The following OSBPL1A variants were observed in gnomAD, a reference collection of about 807,000 sequenced individuals.
OSBPL1A encodes oxysterol binding protein like 1A.
OSBPL1A carries 80 observed loss-of-function variants against 137.1 expected under a neutral mutation model. The ratio of observed to expected loss-of-function variants is 0.58; its 90% CI spans 0.49 to 0.70. The LOEUF is 0.70. OSBPL1A is among the 30% of genes least tolerant of loss of function. The pLI is 0.00. For missense variants in OSBPL1A, 970 were observed against 1,129.4 expected (o/e 0.86, Z 2.02); for synonymous variants, 365 against 389.7 (o/e 0.94, Z 0.75).
intron 13 of OSBPL1A, among the ~76,000 whole-genome samples, chr18:24,308,398 G>T (rs1014004466): frequency 6.1e-4 from 91 of 150,050 alleles, no homozygotes; most frequent in African/African-American, 7.4e-4. Flanking sequence ...AAAAAAATTT[G>T]TTTTTAAGAT....
intron 12 of OSBPL1A, 78 bp downstream of exon 12, chr18:24,314,171 A>T: frequency 1.2e-5 from 11 of 893,246 alleles, no homozygotes; most frequent in Admixed American, 2.6e-5. Flanking sequence ...GGATGTTACC[A>T]CTGAACCTAT....
chr18:24,264,335 TA>T (rs2089517189), intron 15 of OSBPL1A, among the ~76,000 whole-genome samples: 1 of 152,058 alleles, frequency 6.6e-6, no homozygotes, highest in Non-Finnish European at 1.5e-5. Context: ...CAGGATTATA[TA>T]AAGGGGAGTA....
intron 15 of OSBPL1A, among the ~76,000 whole-genome samples, chr18:24,253,682 G>T (rs990069086): frequency 6.6e-6 from 1 of 152,216 alleles, no homozygotes; most frequent in Admixed American, 6.5e-5. Flanking sequence ...GTGGGTTCAA[G>T]TGAGGTTTTC....
At chr18:24,377,614 G>A in intron 1 of OSBPL1A, 79 bp from the exon 2 acceptor site, 1 of 1,366,306 alleles carries the variant, frequency 7.3e-7, no homozygotes, top group East Asian at 2.5e-5. Context: ...ATACAGAAAG[G>A]GGAAAGAATC....
intron 1 of OSBPL1A, among the ~76,000 whole-genome samples, chr18:24,392,718 T>G (rs1184227156): frequency 6.6e-6 from 1 of 151,964 alleles, no homozygotes; most frequent in African/African-American, 2.4e-5. Context: ...TGAAACAGGG[T>G]CTCAGTCAAT....
At chr18:24,368,949 G>T (rs1196267121) in intron 2 of OSBPL1A, among the ~76,000 whole-genome samples, 2 of 152,164 alleles carry the variant, frequency 1.3e-5, no homozygotes, top group Non-Finnish European at 2.9e-5. Context: ...TTTCCCTCTT[G>T]CTATTCTCGT....
At chr18:24,263,378 T>G (rs542248695) in intron 15 of OSBPL1A, among the ~76,000 whole-genome samples, 16 of 152,138 alleles carry the variant, frequency 1.1e-4, no homozygotes, top group Non-Finnish European at 2.1e-4. Flanking sequence ...AACAACACAC[T>G]TAAAAATGGT....
At chr18:24,318,475 T>C (rs976430275) in intron 9 of OSBPL1A, 126 bp downstream of exon 9, 31 of 814,822 alleles carry the variant, frequency 3.8e-5, no homozygotes, top group Middle Eastern at 3.7e-4. Flanking sequence ...TGGTTTACAT[T>C]ATACGATCCA....
intron 4 of OSBPL1A, chr18:24,358,160 T>G: frequency 2.4e-6 from 1 of 418,756 alleles, no homozygotes; most frequent in Non-Finnish European, 4.2e-6. Flanking sequence ...CTTGTCCAAT[T>G]TTTATGGTAA....
At chr18:24,239,605 C>T (rs2088615922) in intron 15 of OSBPL1A, among the ~76,000 whole-genome samples, 1 of 152,090 alleles carries the variant, frequency 6.6e-6, no homozygotes, top group Non-Finnish European at 1.5e-5. Context: ...AAAATAGATT[C>T]AGAACTAGCA....
intron 17 of OSBPL1A, among the ~76,000 whole-genome samples, chr18:24,223,554 CT>C (rs1310666267): frequency 6.6e-6 from 1 of 152,090 alleles, no homozygotes; most frequent in African/African-American, 2.4e-5. Context: ...CCTGTCCTGA[CT>C]GCATTTGTTT....
intron 13 of OSBPL1A, among the ~76,000 whole-genome samples, chr18:24,311,296 C>T (rs996892799): frequency 6.6e-6 from 1 of 152,148 alleles, no homozygotes; most frequent in Non-Finnish European, 1.5e-5. Flanking sequence ...TAGGCAAATT[C>T]ATATATCCTG....
intron 17 of OSBPL1A, among the ~76,000 whole-genome samples, chr18:24,207,960 G>T (rs2087423955): frequency 6.6e-6 from 1 of 152,100 alleles, no homozygotes; most frequent in Non-Finnish European, 1.5e-5. Context: ...ACCCAGGCTG[G>T]TCTCAAACTC....
intron 21 of OSBPL1A, 101 bp from the exon 22 acceptor site, chr18:24,172,584 C>G (rs2086316702): frequency 2.6e-6 from 2 of 770,392 alleles, no homozygotes; most frequent in African/African-American, 1.7e-5. Context: ...ACAAACCAGG[C>G]TGCTTGAGAT....
intron 7 of OSBPL1A, among the ~76,000 whole-genome samples, chr18:24,325,082 T>C (rs2146131341): frequency 6.8e-6 from 1 of 147,640 alleles, no homozygotes; most frequent in African/African-American, 2.6e-5. Flanking sequence ...CGAGACTCAG[T>C]ATCGAAACAA....
intron 14 of OSBPL1A, among the ~76,000 whole-genome samples, chr18:24,287,942 T>A (rs948906643): frequency 6.6e-6 from 1 of 152,200 alleles, no homozygotes; most frequent in African/African-American, 2.4e-5. Context: ...AAGCTCACTC[T>A]CCAGTGCCCT....
At chr18:24,181,097 G>C (rs761780481) in intron 19 of OSBPL1A, 48 bp downstream of exon 19, 1 of 1,585,548 alleles carries the variant, frequency 6.3e-7, no homozygotes, top group South Asian at 1.2e-5. Flanking sequence ...GGGCTGGGTT[G>C]GTAGCAAGGT....
At chr18:24,352,666 T>C (rs1016560436) in intron 4 of OSBPL1A, among the ~76,000 whole-genome samples, 1 of 152,132 alleles carries the variant, frequency 6.6e-6, no homozygotes, top group Non-Finnish European at 1.5e-5. Context: ...CTTCAAACTA[T>C]ACTACAAGGC....
At chr18:24,231,369 T>A (rs2088272214) in intron 16 of OSBPL1A, among the ~76,000 whole-genome samples, 2 of 152,234 alleles carry the variant, frequency 1.3e-5, no homozygotes, top group South Asian at 2.1e-4. Flanking sequence ...CTCAGTTCAC[T>A]GCAACCTCCG....
Sources: gnomAD v4.1 joint callset for allele counts (sites outside exome capture counted in the v4.1 genomes callset) on GRCh38, gnomAD v4.1.1 for gene constraint, MANE v1.5 for transcripts, NCBI Gene and HGNC (gene_info 2026-07-23, HGNC 2026-07-21) for gene names.